Variants in TTLL11 observed in about 807,000 individuals in gnomAD.
TTLL11 encodes tubulin polyglutamylase TTLL11.
TTLL11 carries 42 observed loss-of-function variants against 51.7 expected under a neutral mutation model. That is an observed-to-expected ratio of 0.81 (90% CI 0.64 to 1.05). The LOEUF (loss-of-function observed/expected upper bound fraction) is 1.05, where lower values mean the gene tolerates loss of function less well. Among genes scored for constraint, TTLL11 ranks in the 50% least tolerant of loss-of-function variants. The pLI is 0.00. For missense variants in TTLL11, 799 were observed against 940.4 expected, an observed-to-expected ratio of 0.85 and a Z score of 1.97; for synonymous variants, 381 against 383.5, an observed-to-expected ratio of 0.99 and a Z score of 0.08.
chr9:121,867,325 C>G (rs1838207802), intron 7 of TTLL11, among the ~76,000 whole-genome samples: 1 of 152,132 alleles, frequency 6.6e-6, no homozygotes, highest in South Asian at 2.1e-4. Flanking sequence ...CCAGGAGCAG[C>G]CTTCCTTTAG....
intron 6 of TTLL11, among the ~76,000 whole-genome samples, chr9:121,888,626 G>A (rs527974639): frequency 6.6e-6 from 1 of 152,334 alleles, no homozygotes; most frequent in South Asian, 2.1e-4. Context: ...GAATAAATTA[G>A]ACACAGACAC....
At chr9:121,877,189 C>T (rs554356398) in intron 6 of TTLL11, among the ~76,000 whole-genome samples, 10 of 152,318 alleles carry the variant, frequency 6.6e-5, no homozygotes, top group South Asian at 4.1e-4. Flanking sequence ...GGATTCCAAA[C>T]GCACATGTAT....
chr9:122,065,374 T>C (rs1465699693), intron 1 of TTLL11, among the ~76,000 whole-genome samples: 1 of 152,198 alleles, frequency 6.6e-6, no homozygotes, highest in Non-Finnish European at 1.5e-5. Context: ...ATGCTGCCCC[T>C]CCTTTCTTCC....
intron 3 of TTLL11, among the ~76,000 whole-genome samples, chr9:122,000,208 A>C (rs1588192144): frequency 6.6e-6 from 1 of 152,152 alleles, no homozygotes; most frequent in Admixed American, 6.5e-5. Context: ...GCAGTGGCTC[A>C]CGCCTGTAAT....
intron 1 of TTLL11, among the ~76,000 whole-genome samples, chr9:122,041,654 A>T (rs1588231909): frequency 6.6e-6 from 1 of 151,980 alleles, no homozygotes; most frequent in South Asian, 2.1e-4. Flanking sequence ...ACCTTTTTTT[A>T]AAAGAATTCC....
rs116676776 is a variant in TTLL11, at chr9:122,030,133, G to A, written c.693+1590C>T. On this transcript the variant is annotated intron_variant, in intron 3 of 8. Coordinates refer to ENST00000321582, the MANE Select transcript of TTLL11 (RefSeq NM_001139442.2). The stretch of plus-strand genomic sequence containing the variant: ...AAGTGACTCATGACTGTAGTTGGAT[G>A]CAAAGCTGGGAAGGAAAGGTATTCC... Among the ~76,000 whole-genome samples, 457 of 139,446 alleles carry A rather than the reference G, an allele frequency of 3.3e-3. 5 individuals carry two copies. The highest frequency in any genetic ancestry group is 0.011 in the African/African-American group (440 of 38,484). The allele number at this position is 139,446 out of a possible 152,430, so 91.5% of individuals were successfully genotyped here. A position where few individuals can be genotyped will look rare whatever the true frequency, so the allele number is the denominator to read the frequency against.
chr9:121,982,612 T>G (rs1008187812), intron 4 of TTLL11, among the ~76,000 whole-genome samples: 5 of 151,410 alleles, frequency 3.3e-5, no homozygotes, highest in Non-Finnish European at 7.4e-5. Flanking sequence ...ATCCAGCTAC[T>G]TGGGAGGCTG....
chr9:122,014,234 G>A (rs921205863), intron 3 of TTLL11, among the ~76,000 whole-genome samples: 7 of 152,196 alleles, frequency 4.6e-5, no homozygotes, highest in African/African-American at 1.2e-4. Context: ...GCATGGTGGC[G>A]CAGGCCTGTA....
At chr9:122,045,250 C>G (rs1279678135) in intron 1 of TTLL11, among the ~76,000 whole-genome samples, 1 of 151,822 alleles carries the variant, frequency 6.6e-6, no homozygotes, top group Non-Finnish European at 1.5e-5. Flanking sequence ...CTGGGTGTAT[C>G]CCCCAAAAGA....
rs7848736 is a variant in TTLL11 at position 121,817,614 on chromosome 9, C to T, written c.*4973G>A. On this transcript the variant is annotated 3_prime_UTR_variant, in exon 9 of 9. Coordinates refer to ENST00000321582, the MANE Select transcript of TTLL11 (RefSeq NM_001139442.2). ...AGATCAGAGAGCCTCAAGCTAAGTC[C>T]CCAGAACTGAGTGGAGCAAACACCC... is the stretch of plus-strand genomic sequence containing the variant. The T allele has an allele frequency of 0.38, 58,457 of 152,078 alleles. 11,999 individuals carry two copies. Among genetic ancestry groups the T allele is most frequent in the African/African-American group, 0.53 (21,872 of 41,424 alleles). 9.4% of individuals were successfully genotyped at this position (152,078 alleles called of 1,614,324 possible). A position where few individuals can be genotyped will look rare whatever the true frequency, so the allele number is the denominator to read the frequency against.
chr9:122,089,989 C>T, intron 1 of TTLL11, among the ~76,000 whole-genome samples: 1 of 151,812 alleles, frequency 6.6e-6, no homozygotes, highest in East Asian at 1.9e-4. Flanking sequence ...TAAACATCTC[C>T]ACCTATATGC....
chr9:122,058,766 C>G (rs961975763), intron 1 of TTLL11, among the ~76,000 whole-genome samples: 11 of 152,170 alleles, frequency 7.2e-5, no homozygotes, highest in African/African-American at 2.7e-4. Context: ...TCACTAGCTC[C>G]TTGAGATGAG....
chr9:121,933,698 T>TA (rs560538228), intron 6 of TTLL11, among the ~76,000 whole-genome samples: 109 of 151,488 alleles, frequency 7.2e-4, no homozygotes, highest in African/African-American at 2.2e-3. Flanking sequence ...CAAAAAAAGT[T>TA]AAAAAAAAGA....
intron 6 of TTLL11, among the ~76,000 whole-genome samples, chr9:121,935,097 G>T (rs536160617): frequency 1.3e-5 from 2 of 151,496 alleles, no homozygotes; most frequent in African/African-American, 4.9e-5. Flanking sequence ...TGGGATTACA[G>T]GCATGCACCA....
chr9:121,985,330 A>G (rs1327117113), intron 4 of TTLL11, among the ~76,000 whole-genome samples: 1 of 152,118 alleles, frequency 6.6e-6, no homozygotes, highest in Non-Finnish European at 1.5e-5. Flanking sequence ...GATGAGGCAC[A>G]GAGAAGTTAA....
intron 6 of TTLL11, among the ~76,000 whole-genome samples, chr9:121,965,231 C>G (rs904833110): frequency 1.9e-4 from 29 of 152,148 alleles, no homozygotes; most frequent in African/African-American, 7.0e-4. Context: ...TGTTTTCACA[C>G]TGCTATAAAG....
At chr9:121,993,400 G>C (rs942581796) in intron 3 of TTLL11, among the ~76,000 whole-genome samples, 1 of 152,148 alleles carries the variant, frequency 6.6e-6, no homozygotes, top group Non-Finnish European at 1.5e-5. Flanking sequence ...AGAAAATCTG[G>C]ATTTTAGTCC....
intron 1 of TTLL11, among the ~76,000 whole-genome samples, chr9:122,048,300 G>C (rs1189655204): frequency 2.6e-5 from 4 of 152,090 alleles, no homozygotes; most frequent in African/African-American, 9.7e-5. Context: ...CCTAGTAGCT[G>C]GAACTATAAG....
intron 1 of TTLL11, among the ~76,000 whole-genome samples, chr9:122,080,538 A>G (rs1453546283): frequency 2.0e-5 from 3 of 151,968 alleles, no homozygotes; most frequent in Admixed American, 1.3e-4. Context: ...ATATATATAT[A>G]CAAAAATTAG....
Sources: allele counts gnomAD v4.1 joint callset (sites outside exome capture counted in the v4.1 genomes callset), GRCh38; gene constraint gnomAD v4.1.1; transcripts MANE v1.5; gene names NCBI Gene and HGNC (gene_info 2026-07-23, HGNC 2026-07-21).